EPHA3: variants seen among roughly 807,000 people sequenced by gnomAD.
EPHA3 encodes EPH receptor A3, also known as ephrin type-A receptor 3.
EPHA3 carries 42 observed loss-of-function variants against 107.1 expected under a neutral mutation model. The ratio of observed to expected loss-of-function variants is 0.39; its 90% CI spans 0.31 to 0.51. The LOEUF (loss-of-function observed/expected upper bound fraction) is 0.51. EPHA3 is among the 20% of genes least tolerant of loss of function. EPHA3 has a pLI of 0.78. For synonymous variants in EPHA3, 461 were observed against 424.8 expected (o/e 1.09, Z -1.05); for missense variants, 1,183 against 1,211.2 (o/e 0.98, Z 0.35).
chr3:89,203,415 G>A (rs545200262), intron 2 of EPHA3, among the ~76,000 whole-genome samples: 1 of 151,906 alleles, frequency 6.6e-6, no homozygotes, highest in Non-Finnish European at 1.5e-5. Context: ...CCAAAGGTGC[G>A]GTATCATTGC....
chr3:89,137,779 TCTGATATA>T (rs941984711), intron 2 of EPHA3, among the ~76,000 whole-genome samples: 1 of 152,088 alleles, frequency 6.6e-6, no homozygotes, highest in Admixed American at 6.6e-5. Context: ...CTTGGATTTT[TCTGATATA>T]CTTAAAATCA....
intron 2 of EPHA3, among the ~76,000 whole-genome samples, chr3:89,166,744 T>G (rs1705081545): frequency 6.6e-6 from 1 of 152,196 alleles, no homozygotes; most frequent in South Asian, 2.1e-4. Flanking sequence ...CTCAGAATAT[T>G]TTAGAATGAG....
rs1174758156 is a variant in EPHA3 at position 89,186,675 on chromosome 3, A to G, written c.154-23185A>G. 2.0e-5 allele frequency among the ~76,000 whole-genome samples: 3 copies of G among 152,184 alleles called. 1 individual carries two copies. Among genetic ancestry groups the G allele is most frequent in the African/African-American group, 7.2e-5 (3 of 41,458 alleles). ...GAGACCTGGACAAGTGCCATGTTGA[A>G]TACAGCCAGCTGGTGCTTTTTACAG... On this transcript the variant is annotated intron_variant, in intron 2 of 16. Coordinates refer to ENST00000336596, the MANE Select transcript of EPHA3 (RefSeq NM_005233.6).
intron 5 of EPHA3, among the ~76,000 whole-genome samples, chr3:89,382,210 A>G (rs1348639339): frequency 6.6e-6 from 1 of 152,046 alleles, no homozygotes; most frequent in Non-Finnish European, 1.5e-5. Context: ...GGTTGCCACT[A>G]AAAAATAGAG....
chr3:89,439,066 C>A (rs183964088), intron 13 of EPHA3, among the ~76,000 whole-genome samples: 4 of 152,118 alleles, frequency 2.6e-5, no homozygotes, highest in African/African-American at 9.7e-5. Flanking sequence ...GTAGAGAATG[C>A]AATTTTATAT....
At chr3:89,415,939 A>G (rs1473953179) in intron 10 of EPHA3, among the ~76,000 whole-genome samples, 1 of 151,528 alleles carries the variant, frequency 6.6e-6, no homozygotes, top group African/African-American at 2.4e-5. Flanking sequence ...CATGCTGGAC[A>G]CTGGAGATCA....
intron 3 of EPHA3, among the ~76,000 whole-genome samples, chr3:89,259,297 T>C (rs1705361480): frequency 6.6e-6 from 1 of 152,192 alleles, no homozygotes; most frequent in South Asian, 2.1e-4. Flanking sequence ...TCCCTAACCC[T>C]GACCACCTCC....
intron 15 of EPHA3, among the ~76,000 whole-genome samples, chr3:89,451,889 GTGTGTGTGTGTGTGTGTT>G (rs1709999227): frequency 1.3e-5 from 2 of 151,816 alleles, no homozygotes; most frequent in South Asian, 4.2e-4. Flanking sequence ...GCGTGTGTGT[GTGTGTGTGTGTGTGTGTT>G]TGTGTGTGTG....
chr3:89,214,094 C>T (rs1322040613), intron 3 of EPHA3, among the ~76,000 whole-genome samples: 3 of 152,012 alleles, frequency 2.0e-5, no homozygotes, highest in Non-Finnish European at 2.9e-5. Context: ...GTACATGAGC[C>T]TAATGCCAAA....
chr3:89,359,713 G>GTATATA, intron 5 of EPHA3, among the ~76,000 whole-genome samples: 1 of 136,678 alleles, frequency 7.3e-6, no homozygotes, highest in South Asian at 2.2e-4. Flanking sequence ...TTGTGTGTGT[G>GTATATA]TATATATATA....
At chr3:89,456,558 A>T (rs1349677207) in intron 15 of EPHA3, among the ~76,000 whole-genome samples, 2 of 152,118 alleles carry the variant, frequency 1.3e-5, no homozygotes, top group Non-Finnish European at 2.9e-5. Flanking sequence ...TTCAGCCTTC[A>T]TTAGAGTTGA....
At chr3:89,386,961 G>C (rs184255678) in intron 5 of EPHA3, among the ~76,000 whole-genome samples, 2,423 of 152,010 alleles carry the variant, frequency 0.016, 62 homozygotes, top group African/African-American at 0.055. Flanking sequence ...GGTGTATTTA[G>C]CCAATGGCCG....
chr3:89,147,101 C>T (rs1457120586), intron 2 of EPHA3, among the ~76,000 whole-genome samples: 1 of 151,688 alleles, frequency 6.6e-6, no homozygotes, highest in Non-Finnish European at 1.5e-5. Flanking sequence ...AACCAAACAC[C>T]ACATGTTATC....
intron 5 of EPHA3, among the ~76,000 whole-genome samples, chr3:89,388,341 C>G (rs1200639008): frequency 6.6e-6 from 1 of 152,080 alleles, no homozygotes; most frequent in African/African-American, 2.4e-5. Flanking sequence ...GGAAGACATA[C>G]TGTAAGCAAA....
At chr3:89,419,847 T>C (rs1173350516) in intron 11 of EPHA3, among the ~76,000 whole-genome samples, 2 of 151,082 alleles carry the variant, frequency 1.3e-5, no homozygotes, top group African/African-American at 4.9e-5. Flanking sequence ...ATTTTGGGAG[T>C]CTAGGAAATG....
At chr3:89,449,592 A>G (rs1709947073) in intron 14 of EPHA3, among the ~76,000 whole-genome samples, 1 of 152,220 alleles carries the variant, frequency 6.6e-6, no homozygotes, top group Non-Finnish European at 1.5e-5. Context: ...TAGAAATAAG[A>G]CAAAAGAAAC....
chr3:89,113,510 A>AAAAAAAAAAAAC, intron 1 of EPHA3, among the ~76,000 whole-genome samples: 1 of 149,124 alleles, frequency 6.7e-6, no homozygotes, highest in Non-Finnish European at 1.5e-5. Context: ...AAAAAAAAAA[A>AAAAAAAAAAAAC]AAAGAGGGGA....
At chr3:89,174,800 T>A (rs965888851) in intron 2 of EPHA3, among the ~76,000 whole-genome samples, 1 of 151,964 alleles carries the variant, frequency 6.6e-6, no homozygotes, top group Non-Finnish European at 1.5e-5. Context: ...TTGGAAAGAA[T>A]TTATACTAAT....
chr3:89,172,998 C>CA (rs1306934487), intron 2 of EPHA3, among the ~76,000 whole-genome samples: 1 of 151,842 alleles, frequency 6.6e-6, no homozygotes, highest in Non-Finnish European at 1.5e-5. Context: ...TTGCAATATT[C>CA]AAAAAAGTTA....
Sources: gnomAD v4.1 joint callset for allele counts (sites outside exome capture counted in the v4.1 genomes callset) on GRCh38, gnomAD v4.1.1 for gene constraint, MANE v1.5 for transcripts, NCBI Gene and HGNC (gene_info 2026-07-23, HGNC 2026-07-21) for gene names.